Variants in TCF7L2 observed in about 807,000 individuals in gnomAD.
TCF7L2 encodes the protein transcription factor 7-like 2.
A neutral mutation model predicts 77.9 loss-of-function variants in TCF7L2; 23 were observed. That is an observed-to-expected ratio of 0.30 (90% CI 0.21 to 0.42). TCF7L2 has a LOEUF of 0.42. Among genes scored for constraint, TCF7L2 ranks in the 10% least tolerant of loss-of-function variants. TCF7L2 has a pLI of 1.00. For synonymous variants in TCF7L2, 413 were observed against 340.2 expected, an observed-to-expected ratio of 1.21 and a Z score of -2.36; for missense variants, 654 against 793.1, an observed-to-expected ratio of 0.82 and a Z score of 2.11.
chr10:112,970,188 A>G (rs115051648), intron 4 of TCF7L2, among the ~76,000 whole-genome samples: 2,209 of 147,506 alleles, frequency 0.015, 57 homozygotes, highest in African/African-American at 0.054. Flanking sequence ...GTGTGTGTGC[A>G]TGTGCGCGCT....
At chr10:113,096,965 C>G (rs2061047249) in intron 5 of TCF7L2, among the ~76,000 whole-genome samples, 1 of 152,164 alleles carries the variant, frequency 6.6e-6, no homozygotes, top group African/African-American at 2.4e-5. Context: ...TCTGCTCCTA[C>G]CCCACCGGTC....
chr10:113,042,441 G>A, intron 5 of TCF7L2, among the ~76,000 whole-genome samples: 1 of 152,196 alleles, frequency 6.6e-6, no homozygotes, highest in East Asian at 1.9e-4. Context: ...GGAGGAAGGT[G>A]GGCTCTGGGA....
chr10:113,042,842 G>A (rs1049654882), intron 5 of TCF7L2, among the ~76,000 whole-genome samples: 20 of 152,148 alleles, frequency 1.3e-4, no homozygotes, highest in Non-Finnish European at 5.9e-5. Context: ...TTTGTAAAGG[G>A]TGCATTCTGA....
intron 4 of TCF7L2, among the ~76,000 whole-genome samples, chr10:112,993,043 G>A (rs1459896377): frequency 1.3e-5 from 2 of 152,010 alleles, no homozygotes; most frequent in Non-Finnish European, 2.9e-5. Context: ...GATCACAGGC[G>A]TGAGCCACCG....
At chr10:113,155,836 G>A (rs989492624) in intron 11 of TCF7L2, among the ~76,000 whole-genome samples, 2 of 152,230 alleles carry the variant, frequency 1.3e-5, no homozygotes, top group African/African-American at 4.8e-5. Flanking sequence ...GCATGGAGAT[G>A]GTCCATTGCA....
chr10:113,047,657 T>C (rs1247436889), intron 5 of TCF7L2, among the ~76,000 whole-genome samples: 1 of 152,252 alleles, frequency 6.6e-6, no homozygotes, highest in Admixed American at 6.5e-5. Context: ...TCTATTATCT[T>C]TGTTTTCATG....
intron 5 of TCF7L2, among the ~76,000 whole-genome samples, chr10:113,074,211 A>G (rs999300749): frequency 1.3e-5 from 2 of 152,168 alleles, no homozygotes; most frequent in African/African-American, 4.8e-5. Context: ...TGTGAATTAG[A>G]TGGACTCTTT....
At position 113,165,614 on chromosome 10, in the gene TCF7L2, C is replaced by G. The variant is rs1022989384; in HGVS notation, c.1451C>G (p.Ser484Cys). 8 of 1,613,982 alleles carry G rather than the reference C, an allele frequency of 5.0e-6. No homozygotes were observed. The African/African-American group carries it at 6.7e-5, about 13-fold the overall frequency. The change falls in exon 14 of 14, where the codon TCT becomes TGT. Residue 484 changes from serine (S) to cysteine (C), a missense_variant. Physicochemically the swap from Ser to Cys is moderately radical, Grantham distance 112. Coordinates refer to ENST00000627217, the MANE Select transcript of TCF7L2 (RefSeq NM_001146274.2). ...GAAGGCAGCTGCCTCAGCCCACCCT[C>G]TTCAGATGGAAGCTTACTAGATTCG...
At chr10:113,131,627 C>T (rs575762682) in intron 5 of TCF7L2, among the ~76,000 whole-genome samples, 1 of 152,276 alleles carries the variant, frequency 6.6e-6, no homozygotes, top group African/African-American at 2.4e-5. Context: ...CGTAAATTCC[C>T]GACTCCAGTG....
At chr10:113,067,589 T>C (rs1017803764) in intron 5 of TCF7L2, among the ~76,000 whole-genome samples, 2 of 152,200 alleles carry the variant, frequency 1.3e-5, no homozygotes, top group Admixed American at 1.3e-4. Context: ...TGCTAGGCTT[T>C]TGATATAATT....
At chr10:112,960,841 C>A (rs1026617320) in intron 3 of TCF7L2, among the ~76,000 whole-genome samples, 5 of 151,854 alleles carry the variant, frequency 3.3e-5, no homozygotes, top group African/African-American at 1.2e-4. Flanking sequence ...GCGCACACCA[C>A]CATGCTGGGC....
intron 5 of TCF7L2, among the ~76,000 whole-genome samples, chr10:113,073,063 G>A (rs2058222258): frequency 6.7e-6 from 1 of 148,624 alleles, no homozygotes; most frequent in African/African-American, 2.5e-5. Context: ...GTTAGGTGCT[G>A]GTGGCCAGCC....
At chr10:113,148,001 A>T (rs2069862070) in intron 8 of TCF7L2, among the ~76,000 whole-genome samples, 1 of 152,204 alleles carries the variant, frequency 6.6e-6, no homozygotes, top group African/African-American at 2.4e-5. Flanking sequence ...CATTATTGTG[A>T]TAATGGGGCG....
chr10:113,142,777 G>A (rs1288910449), intron 6 of TCF7L2, among the ~76,000 whole-genome samples: 3 of 152,200 alleles, frequency 2.0e-5, no homozygotes, highest in Non-Finnish European at 4.4e-5. Flanking sequence ...GGTAGTACAG[G>A]GAATAGCTTT....
At chr10:112,966,922 A>G (rs1179947911) in intron 4 of TCF7L2, among the ~76,000 whole-genome samples, 3 of 152,214 alleles carry the variant, frequency 2.0e-5, no homozygotes, top group African/African-American at 7.2e-5. Flanking sequence ...ACAGAGAGAC[A>G]TTTTATTAGA....
At chr10:113,159,928 G>T (rs370112350) in intron 12 of TCF7L2, 1 of 1,555,558 alleles carries the variant, frequency 6.4e-7, no homozygotes, top group Non-Finnish European at 8.7e-7. Flanking sequence ...AGACCTGAGC[G>T]CTCCTAAGAA....
At chr10:113,139,018 C>T (rs902553005) in intron 5 of TCF7L2, among the ~76,000 whole-genome samples, 7 of 152,296 alleles carry the variant, frequency 4.6e-5, no homozygotes, top group Non-Finnish European at 8.8e-5. Context: ...GGTGGTCCTG[C>T]TCCCGTGGCA....
At position 112,969,744 on chromosome 10, in the gene TCF7L2, T is replaced by G. The variant is rs140632332; in HGVS notation, c.450+5120T>G. Among the ~76,000 whole-genome samples the G allele has an allele frequency of 2.0e-3, 306 of 152,310 alleles. 1 individual carries two copies. Among genetic ancestry groups the G allele is most frequent in the African/African-American group, 7.0e-3 (292 of 41,560 alleles). ...GCCTTTGGCCCCAGCTCCTAGGAACTCCTCCCACTGTCTCCATTAACCTGG... is the reference window on the plus strand; with the variant it reads ...GCCTTTGGCCCCAGCTCCTAGGAACGCCTCCCACTGTCTCCATTAACCTGG... On this transcript the variant is annotated intron_variant, in intron 4 of 13. Transcript: ENST00000627217.
At chr10:112,998,537 C>G (rs891494105) in intron 4 of TCF7L2, among the ~76,000 whole-genome samples, 2 of 152,194 alleles carry the variant, frequency 1.3e-5, no homozygotes, top group African/African-American at 4.8e-5. Context: ...GCCTCAAAAC[C>G]TAGCACAGCT....
Sources: gnomAD v4.1 joint callset for allele counts (sites outside exome capture counted in the v4.1 genomes callset) on GRCh38, gnomAD v4.1.1 for gene constraint, MANE v1.5 for transcripts, NCBI Gene and HGNC (gene_info 2026-07-23, HGNC 2026-07-21) for gene names.